The following PDE11A variants were observed in gnomAD, a reference collection of about 807,000 sequenced individuals.
The protein encoded by PDE11A is dual 3',5'-cyclic-AMP and -GMP phosphodiesterase 11A.
PDE11A carries 100 observed loss-of-function variants against 100.5 expected under a neutral mutation model. That is an observed-to-expected ratio of 1.00 (90% CI 0.85 to 1.18). The LOEUF (loss-of-function observed/expected upper bound fraction) is 1.18. PDE11A is among the 50% of genes most tolerant of loss of function. The pLI is 0.00. For missense variants in PDE11A, 1,141 were observed against 1,152.6 expected (o/e 0.99, Z 0.15); for synonymous variants, 381 against 420.8 (o/e 0.91, Z 1.16).
chr2:177,709,938 A>G (rs1198896244), intron 13 of PDE11A, among the ~76,000 whole-genome samples: 1 of 152,046 alleles, frequency 6.6e-6, no homozygotes, highest in East Asian at 1.9e-4. Context: ...GGGTTGGGAG[A>G]AGGGAAGGAA....
At chr2:177,694,342 C>G (rs1175705281) in intron 15 of PDE11A, among the ~76,000 whole-genome samples, 1 of 152,064 alleles carries the variant, frequency 6.6e-6, no homozygotes, top group Non-Finnish European at 1.5e-5. Context: ...GAAAATAACA[C>G]AAGATCCTGC....
chr2:177,912,536 A>ACC (rs1216589797), intron 2 of PDE11A, among the ~76,000 whole-genome samples: 8 of 151,736 alleles, frequency 5.3e-5, no homozygotes, highest in African/African-American at 1.9e-4. Flanking sequence ...TCCTATGTCC[A>ACC]CCCCCACAAC....
chr2:177,984,709 A>C (rs2085921205), intron 2 of PDE11A, among the ~76,000 whole-genome samples: 1 of 152,242 alleles, frequency 6.6e-6, no homozygotes, highest in Non-Finnish European at 1.5e-5. Flanking sequence ...AAACTTCACC[A>C]AAAAACCCCC....
At chr2:177,665,473 C>T (rs2080558211) in intron 18 of PDE11A, among the ~76,000 whole-genome samples, 1 of 114,892 alleles carries the variant, frequency 8.7e-6, no homozygotes, top group African/African-American at 3.3e-5. Context: ...GAGTGAGACT[C>T]AGTCTCAAAA....
At chr2:177,850,145 G>C (rs904544898) in intron 5 of PDE11A, among the ~76,000 whole-genome samples, 14 of 152,148 alleles carry the variant, frequency 9.2e-5, no homozygotes, top group African/African-American at 2.9e-4. Flanking sequence ...TACTACAAGG[G>C]TACAGTAACC....
chr2:177,931,407 A>C (rs1275114458), intron 2 of PDE11A, among the ~76,000 whole-genome samples: 1 of 152,174 alleles, frequency 6.6e-6, no homozygotes, highest in Non-Finnish European at 1.5e-5. Context: ...ACTCTCAGCA[A>C]GTCTCAATAC....
intron 2 of PDE11A, among the ~76,000 whole-genome samples, chr2:178,097,170 G>A (rs1490685780): frequency 6.6e-6 from 1 of 152,214 alleles, no homozygotes; most frequent in Non-Finnish European, 1.5e-5. Context: ...ACAGGTGTGA[G>A]CCACCGTGCT....
At chr2:177,998,433 T>C in intron 2 of PDE11A, 1 of 1,033,486 alleles carries the variant, frequency 9.7e-7, no homozygotes, top group Non-Finnish European at 1.5e-6. Flanking sequence ...TAGGTTAAAT[T>C]CTGCAGAGCC....
intron 19 of PDE11A, among the ~76,000 whole-genome samples, chr2:177,636,988 A>G (rs116639400): frequency 6.6e-6 from 1 of 152,352 alleles, no homozygotes; most frequent in African/African-American, 2.4e-5. Context: ...CTGGTAGCAG[A>G]GAAGGAAAGA....
Position 178,002,609 on chromosome 2 carries a change from G to A in PDE11A, c.1071+11693C>T, listed in dbSNP as rs558667542. Among the ~76,000 whole-genome samples, 227 of 152,160 alleles carry A rather than the reference G, an allele frequency of 1.5e-3. 1 individual carries two copies. Among genetic ancestry groups the A allele is most frequent in the Middle Eastern group, 3.4e-3 (1 of 294 alleles). ...AGGTATTATGAATAACCTAGAAGTCGTGTGGTCGAATTGGCTTAGGTCAGT... is the reference window on the plus strand; with the variant it reads ...AGGTATTATGAATAACCTAGAAGTCATGTGGTCGAATTGGCTTAGGTCAGT... On this transcript the variant is annotated intron_variant, in intron 2 of 19. Transcript: ENST00000286063.
At chr2:177,684,129 T>G (rs1276061646) in intron 15 of PDE11A, among the ~76,000 whole-genome samples, 1 of 152,232 alleles carries the variant, frequency 6.6e-6, no homozygotes, top group Non-Finnish European at 1.5e-5. Flanking sequence ...CAAATTATTA[T>G]GAAGTCCAAC....
At chr2:177,969,163 C>T (rs1337078807) in intron 2 of PDE11A, among the ~76,000 whole-genome samples, 1 of 152,138 alleles carries the variant, frequency 6.6e-6, no homozygotes, top group East Asian at 1.9e-4. Context: ...CGAACTAACA[C>T]AGGAACAGAA....
intron 5 of PDE11A, among the ~76,000 whole-genome samples, chr2:177,863,420 C>A (rs1448757191): frequency 6.6e-6 from 1 of 151,948 alleles, no homozygotes; most frequent in African/African-American, 2.4e-5. Context: ...CAAATATTTG[C>A]AAACTATATA....
intron 4 of PDE11A, among the ~76,000 whole-genome samples, chr2:177,895,391 A>G (rs1467608541): frequency 6.6e-6 from 1 of 152,026 alleles, no homozygotes; most frequent in African/African-American, 2.4e-5. Flanking sequence ...TGACTCTACT[A>G]AAAATAACAA....
chr2:177,777,872 A>C (rs1198838870), intron 9 of PDE11A, among the ~76,000 whole-genome samples: 1 of 152,208 alleles, frequency 6.6e-6, no homozygotes, highest in African/African-American at 2.4e-5. Context: ...TTCACAAGAA[A>C]ATTTCTGATA....
intron 2 of PDE11A, chr2:177,926,794 G>C (rs1457467203): frequency 6.6e-6 from 1 of 151,718 alleles, no homozygotes; most frequent in Non-Finnish European, 1.5e-5. Flanking sequence ...AGATATTTTG[G>C]GGCCTATGTA....
At chr2:177,756,354 T>C (rs1035285071) in intron 10 of PDE11A, among the ~76,000 whole-genome samples, 6 of 152,190 alleles carry the variant, frequency 3.9e-5, no homozygotes, top group Non-Finnish European at 8.8e-5. Flanking sequence ...TTCTTCATGG[T>C]TTTAAAGGGA....
At chr2:177,642,868 A>G (rs1271859787) in intron 19 of PDE11A, among the ~76,000 whole-genome samples, 2 of 152,178 alleles carry the variant, frequency 1.3e-5, no homozygotes, top group Non-Finnish European at 2.9e-5. Flanking sequence ...GGTCTTTCCC[A>G]TGCTATTCTC....
At chr2:178,073,189 CA>C, upstream of PDE11A, 1 of 458,912 alleles carries the variant, frequency 2.2e-6, no homozygotes. Context: ...CGTTCACCCT[CA>C]GAGACAGGCA....
Sources: allele counts gnomAD v4.1 joint callset (sites outside exome capture counted in the v4.1 genomes callset), GRCh38; gene constraint gnomAD v4.1.1; transcripts MANE v1.5; gene names NCBI Gene and HGNC (gene_info 2026-07-23, HGNC 2026-07-21).